DLGAP3: variants seen among roughly 807,000 people sequenced by gnomAD.
DLGAP3 encodes disks large-associated protein 3.
In DLGAP3, 17 loss-of-function variants were observed where a neutral mutation model predicts 81.2. That is an observed-to-expected ratio of 0.21 (90% CI 0.14 to 0.31). The LOEUF is 0.31. DLGAP3 is among the 10% of genes least tolerant of loss of function. DLGAP3 has a pLI of 1.00. For missense variants in DLGAP3, 1,124 were observed against 1,388.0 expected, an observed-to-expected ratio of 0.81 and a Z score of 3.02; for synonymous variants, 577 against 587.4, an observed-to-expected ratio of 0.98 and a Z score of 0.26.
rs769438380 is a variant in DLGAP3, at chr1:34,904,269, A to C, written c.1107+8T>G. 5 of 1,601,894 alleles carry C rather than the reference A, an allele frequency of 3.1e-6. No individual in the cohort carries two copies. Among genetic ancestry groups the C allele is most frequent in the Non-Finnish European group, 4.2e-6 (5 of 1,179,944 alleles). ...GGACTCTGTTCCCCAACCCCAAAAAAGCCTCACCTGCAGATAGTGATAAGT... is the reference window on the plus strand; with the variant it reads ...GGACTCTGTTCCCCAACCCCAAAAACGCCTCACCTGCAGATAGTGATAAGT... On this transcript the variant is annotated splice_region_variant and intron_variant, in intron 3 of 11. Coordinates refer to ENST00000373347, the MANE Select transcript of DLGAP3 (RefSeq NM_001080418.3). The surrounding 1 kb of genome is among the most constrained non-coding windows in gnomAD (Gnocchi z 8.1).
At chr1:34,884,870 C>A in intron 8 of DLGAP3, 108 bp downstream of exon 8, 1 of 906,058 alleles carries the variant, frequency 1.1e-6, no homozygotes, top group Non-Finnish European at 1.8e-6. Flanking sequence ...CTTGGTCTCA[C>A]TTCCAGGAAA....
rs148322707 is a variant in DLGAP3, at chr1:34,904,548, G to T, written c.836C>A (p.Pro279His). Residue 279 changes from proline to histidine, a missense_variant, in exon 3 of 12, where the codon CCC (proline) becomes CAC (histidine). Physicochemically the swap from Pro to His is moderately conservative, Grantham distance 77. Around this residue, in one of 9 missense-constraint regions of DLGAP3, gnomAD observed 357 missense variants for 408.8 expected, o/e 0.87. Coordinates refer to ENST00000373347, the MANE Select transcript of DLGAP3 (RefSeq NM_001080418.3). The surrounding 1 kb of genome is among the most constrained non-coding windows in gnomAD (Gnocchi z 8.1). ...GAAGGGACCACCAGGCTCCCCAGGG[G>T]GCCTCCCACCCGCCAGGAAGCCGCT... ...SDSGFLAGGRPPGEPGGPFCL... is the reference protein window; with the variant it reads ...SDSGFLAGGRHPGEPGGPFCL... 138 of 1,614,000 alleles carry T rather than the reference G, an allele frequency of 8.6e-5. No individual in the cohort carries two copies. Among genetic ancestry groups the T allele is most frequent in the Non-Finnish European group, 1.2e-4 (136 of 1,179,976 alleles).
intron 8 of DLGAP3, among the ~76,000 whole-genome samples, chr1:34,874,897 A>T (rs1639028155): frequency 6.6e-6 from 1 of 152,116 alleles, no homozygotes; most frequent in Non-Finnish European, 1.5e-5. Flanking sequence ...ACTAGCTTCT[A>T]TAGAAGCTCC....
intron 5 of DLGAP3, among the ~76,000 whole-genome samples, chr1:34,894,435 C>T (rs1367937303): frequency 1.3e-5 from 2 of 152,082 alleles, no homozygotes. Context: ...ATGGAGCACA[C>T]ACATGAATAT....
At chr1:34,871,809 G>A (rs1295241951) in intron 8 of DLGAP3, among the ~76,000 whole-genome samples, 1 of 152,134 alleles carries the variant, frequency 6.6e-6, no homozygotes, top group East Asian at 1.9e-4. Flanking sequence ...CAGCCATACT[G>A]CCGGGAACAG....
intron 8 of DLGAP3, among the ~76,000 whole-genome samples, chr1:34,883,550 C>T (rs538842809): frequency 6.6e-6 from 1 of 152,280 alleles, no homozygotes; most frequent in East Asian, 1.9e-4. Context: ...ATGACTCCTA[C>T]CCCATCTCTC....
chr1:34,928,408 G>A (rs1217531384), intron 1 of DLGAP3, among the ~76,000 whole-genome samples: 5 of 151,840 alleles, frequency 3.3e-5, no homozygotes, highest in African/African-American at 9.7e-5. Flanking sequence ...ACTCCAGCTC[G>A]CCCCAGATCC....
rs1340907202 is a variant in DLGAP3 at position 34,905,475 on chromosome 1, C to T, written c.-51-41G>A. On this transcript the variant is annotated intron_variant, in intron 2 of 11. Coordinates refer to ENST00000373347, the MANE Select transcript of DLGAP3 (RefSeq NM_001080418.3). ...GAAAAGGTATTTGAATTGAACAGCC[C>T]TCTTCACCTAAAACCATCTTTTATT... 7.3e-6 allele frequency: 10 copies of T among 1,363,832 alleles called. 1 individual carries two copies. In the East Asian group the frequency reaches 2.3e-4, roughly 31 times the overall value. 84.5% of individuals were successfully genotyped at this position (1,363,832 alleles called of 1,614,324 possible). A position where few individuals can be genotyped will look rare whatever the true frequency, so the allele number is the denominator to read the frequency against.
Position 34,867,768 on chromosome 1 carries a change from C to A in DLGAP3, c.2486-141G>T. ...GTCTCCTCCAGCCCCAGCCCCATCC[C>A]ATCCTCAAGTTCCTAACAAGTTCTC... On this transcript the variant is annotated intron_variant, in intron 9 of 11. Coordinates refer to ENST00000373347, the MANE Select transcript of DLGAP3 (RefSeq NM_001080418.3). The surrounding 1 kb of genome is among the most constrained non-coding windows in gnomAD (Gnocchi z 4.3). 1.4e-6 allele frequency: 1 copy of A among 730,514 alleles called. No individual in the cohort carries two copies. 45.3% of individuals were successfully genotyped at this position (730,514 alleles called of 1,614,324 possible).
At chr1:34,913,166 G>A (rs371298388) in intron 1 of DLGAP3, among the ~76,000 whole-genome samples, 1 of 152,188 alleles carries the variant, frequency 6.6e-6, no homozygotes, top group African/African-American at 2.4e-5. Context: ...AAGGAGGAAG[G>A]CTTGCCGTTT....
rs753213244 is a variant in DLGAP3 at position 34,905,037 on chromosome 1, C to T, written c.347G>A (p.Arg116His). The change falls in exon 3 of 12, where the codon CGC becomes CAC. Residue 116 changes from arginine (R) to histidine (H), a missense_variant. Coordinates refer to ENST00000373347, the MANE Select transcript of DLGAP3 (RefSeq NM_001080418.3). ...CTGATCCAGGAGTGTAGGAGGCAGG[C>T]GGGGGGCACCCTTGCCCTGTGGGTG... ...VGHPQGKGAPRLPPTLLDQFE... is the reference protein window; with the variant it reads ...VGHPQGKGAPHLPPTLLDQFE... 1.9e-6 allele frequency: 3 copies of T among 1,604,508 alleles called. No homozygotes were observed. The highest frequency in any genetic ancestry group is 2.2e-5 in the East Asian group (1 of 44,446).
chr1:34,866,929 C>A, intron 11 of DLGAP3, 119 bp downstream of exon 11: 1 of 1,179,502 alleles, frequency 8.5e-7, no homozygotes, highest in Non-Finnish European at 1.3e-6. Context: ...CTGTCCAAGG[C>A]TGCCCTTGCT....
At chr1:34,876,706 T>C (rs1639065064) in intron 8 of DLGAP3, among the ~76,000 whole-genome samples, 1 of 152,192 alleles carries the variant, frequency 6.6e-6, no homozygotes, top group Non-Finnish European at 1.5e-5. Context: ...ATTCCCAGTG[T>C]GATCACCTGT....
At chr1:34,870,903 A>G (rs569197896) in intron 8 of DLGAP3, among the ~76,000 whole-genome samples, 3 of 152,318 alleles carry the variant, frequency 2.0e-5, no homozygotes, top group Admixed American at 1.3e-4. Context: ...CCCTCCATCT[A>G]GGTCATCCAA....
intron 1 of DLGAP3, among the ~76,000 whole-genome samples, chr1:34,926,396 C>T (rs1324124735): frequency 6.6e-6 from 1 of 152,204 alleles, no homozygotes; most frequent in Non-Finnish European, 1.5e-5. Context: ...AGCTCAAACC[C>T]AGACTCCCCA....
At chr1:34,893,760 G>T (rs1461447141) in intron 5 of DLGAP3, among the ~76,000 whole-genome samples, 3 of 152,110 alleles carry the variant, frequency 2.0e-5, no homozygotes, top group African/African-American at 7.2e-5. Context: ...AACTCAAATT[G>T]TATAGTAAAA....
Position 34,867,139 on chromosome 1 carries a change from T to C in DLGAP3, c.2630A>G (p.Asp877Gly). ...PTFQDLAGFW[D>G]LLQLSIEDVT... is the part of the protein sequence containing the mutation. ...ATCCTCGATGGAGAGCTGTAGGAGG[T>C]CCCAGAAACCCGCCAGGTCCTGGAA... Residue 877 changes from aspartate to glycine, a missense_variant, in exon 11 of 12, where the codon GAC becomes GGC. Asp to Gly is a moderately conservative substitution (Grantham distance 94). This residue lies in a region of DLGAP3 where 133 missense variants were observed against 171.1 expected (regional missense o/e 0.78). Coordinates refer to ENST00000373347, the MANE Select transcript of DLGAP3 (RefSeq NM_001080418.3). This position sits in a 1 kb window ranked among gnomAD's most constrained non-coding sequence, Gnocchi z 4.3. 1 of 1,613,728 alleles carries C rather than the reference T, an allele frequency of 6.2e-7. No homozygotes were observed. Among genetic ancestry groups the C allele is most frequent in the Non-Finnish European group, 8.5e-7 (1 of 1,179,930 alleles).
At chr1:34,925,999 T>A (rs1243058262) in intron 1 of DLGAP3, among the ~76,000 whole-genome samples, 1 of 152,222 alleles carries the variant, frequency 6.6e-6, no homozygotes. Flanking sequence ...TTCTGATGCT[T>A]GGAAGCATGT....
rs1228283728 is a variant in DLGAP3 at position 34,868,858 on chromosome 1, T to G, written c.2232A>C (p.Pro744=). Residue 744 remains proline (P), a synonymous_variant, in exon 9 of 12, where the codon CCA becomes CCC. Coordinates refer to ENST00000373347, the MANE Select transcript of DLGAP3 (RefSeq NM_001080418.3). The surrounding 1 kb of genome is among the most constrained non-coding windows in gnomAD (Gnocchi z 7.5). ...CGGTGGCCGGCGGCTCGTACGGCAGTGGGTAGCCCTCGCGGTAGGCCCACT... is the reference window on the plus strand; with the variant it reads ...CGGTGGCCGGCGGCTCGTACGGCAGGGGGTAGCCCTCGCGGTAGGCCCACT... ...QGQWAYREGY[P]LPYEPPATDG... The G allele has an allele frequency of 1.3e-6, 2 of 1,588,692 alleles. No individual in the cohort carries two copies.
Sources: gnomAD v4.1 joint callset for allele counts (sites outside exome capture counted in the v4.1 genomes callset) on GRCh38, gnomAD v4.1.1 for gene constraint, gnomAD v4.1.1 regional missense constraint, Gnocchi (gnomAD v3.1) non-coding constraint, MANE v1.5 for transcripts, NCBI Gene and HGNC (gene_info 2026-07-23, HGNC 2026-07-21) for gene names.